The following THSD7A variants were observed in gnomAD, a reference collection of about 807,000 sequenced individuals.
THSD7A encodes the protein thrombospondin type-1 domain-containing protein 7A.
THSD7A carries 96 observed loss-of-function variants against 231.3 expected under a neutral mutation model. The observed-to-expected ratio is 0.41, with a 90% CI of 0.35 to 0.49. The LOEUF is 0.49. THSD7A is among the 20% of genes least tolerant of loss of function. The probability of loss-of-function intolerance (pLI) is 0.05; values close to 1 mark genes in which losing one functional copy is unlikely to be tolerated. For missense variants in THSD7A, 2,290 were observed against 2,070.2 expected (o/e 1.11, Z -2.06); for synonymous variants, 940 against 743.3 (o/e 1.26, Z -4.30).
chr7:11,389,070 G>C lies in THSD7A; in HGVS notation c.4412-6454C>G, dbSNP rs530797732. ...AGTGTGATGTGGTGCTGAGAAGAAT[G>C]TATATTCTGTTGATTTGGGGTGGAG... On this transcript the variant is annotated intron_variant, in intron 23 of 27. Transcript: ENST00000423059. Among the ~76,000 whole-genome samples, 193 of 152,288 alleles carry C rather than the reference G, an allele frequency of 1.3e-3. 1 individual carries two copies. Among genetic ancestry groups the C allele is most frequent in the Middle Eastern group, 0.01 (3 of 294 alleles).
At chr7:11,787,247 T>G (rs1009838181) in intron 1 of THSD7A, among the ~76,000 whole-genome samples, 4 of 148,548 alleles carry the variant, frequency 2.7e-5, no homozygotes, top group Non-Finnish European at 5.9e-5. Flanking sequence ...CTGACATTCT[T>G]CACAAAAATT....
chr7:11,608,447 A>G (rs1279708290), intron 2 of THSD7A, among the ~76,000 whole-genome samples: 1 of 152,138 alleles, frequency 6.6e-6, no homozygotes, highest in Admixed American at 6.6e-5. Context: ...ATCTGCAATT[A>G]AAGGATAGAG....
chr7:11,812,056 G>A (rs1475020789), intron 1 of THSD7A, among the ~76,000 whole-genome samples: 1 of 151,658 alleles, frequency 6.6e-6, no homozygotes, highest in Non-Finnish European at 1.5e-5. Flanking sequence ...AGAGACATTT[G>A]TAGAGACAGT....
rs775470790 is a variant in THSD7A at position 11,636,493 on chromosome 7, T to C, written c.659A>G (p.His220Arg). 19 of 1,613,674 alleles carry C rather than the reference T, an allele frequency of 1.2e-5. No homozygotes were observed. Among genetic ancestry groups the C allele is most frequent in the Non-Finnish European group, 1.6e-5 (19 of 1,179,864 alleles). ...CGSGLQHRTR[H>R]VVAPPQFGGS... ...TCCGAACTGCGGGGGCGCCACCACA[T>C]GACGCGTCCGGTGCTGGAGCCCGCT... Residue 220 changes from histidine to arginine, a missense_variant, in exon 2 of 28, where the codon CAT becomes CGT. Coordinates refer to ENST00000423059, the MANE Select transcript of THSD7A (RefSeq NM_015204.3). This position sits in a 1 kb window ranked among gnomAD's most constrained non-coding sequence, Gnocchi z 10.0.
At chr7:11,820,385 T>C in intron 1 of THSD7A, 1 of 1,291,938 alleles carries the variant, frequency 7.7e-7, no homozygotes, top group South Asian at 1.7e-5. Flanking sequence ...TCGTCTTCAA[T>C]CTCCCATTCC....
intron 1 of THSD7A, among the ~76,000 whole-genome samples, chr7:11,824,171 G>T (rs1421514462): frequency 6.6e-6 from 1 of 152,014 alleles, no homozygotes; most frequent in African/African-American, 2.4e-5. Context: ...CTTGTATTAG[G>T]AAAGATATAT....
chr7:11,740,924 C>A (rs1011480070), intron 1 of THSD7A, among the ~76,000 whole-genome samples: 4 of 151,938 alleles, frequency 2.6e-5, no homozygotes. Flanking sequence ...AATTACTGAA[C>A]ATGTGAATTA....
At chr7:11,804,863 G>A (rs1784360129) in intron 1 of THSD7A, among the ~76,000 whole-genome samples, 1 of 152,142 alleles carries the variant, frequency 6.6e-6, no homozygotes. Flanking sequence ...TTGGTTCTAA[G>A]ACCATTTAAC....
chr7:11,446,044 A>G lies in THSD7A; in HGVS notation c.3064+17T>C, dbSNP rs761130147. 1.2e-6 allele frequency: 2 copies of G among 1,612,724 alleles called. No individual in the cohort carries two copies. The highest frequency in any genetic ancestry group is 8.5e-7 in the Non-Finnish European group (1 of 1,179,146). On this transcript the variant is annotated intron_variant, in intron 13 of 27. Transcript: ENST00000423059. The surrounding 1 kb of genome is among the most constrained non-coding windows in gnomAD (Gnocchi z 4.0). ...CTCCCGAAGATAGCAAATATGTAAC[A>G]ATGAAGATTGAATTACCATGGCTGT...
At chr7:11,518,946 A>T (rs1174111272) in intron 6 of THSD7A, among the ~76,000 whole-genome samples, 1 of 152,176 alleles carries the variant, frequency 6.6e-6, no homozygotes, top group African/African-American at 2.4e-5. Context: ...TACCTGACAT[A>T]TTTGTTTACC....
chr7:11,647,656 G>A (rs1044665991), intron 1 of THSD7A, among the ~76,000 whole-genome samples: 1 of 152,040 alleles, frequency 6.6e-6, no homozygotes, highest in Admixed American at 6.6e-5. Flanking sequence ...CCAGGCATCT[G>A]CAAGTCCTCT....
intron 1 of THSD7A, among the ~76,000 whole-genome samples, chr7:11,782,372 G>C (rs951775289): frequency 6.6e-6 from 1 of 152,028 alleles, no homozygotes; most frequent in African/African-American, 2.4e-5. Flanking sequence ...TGTCGTTATT[G>C]CAAAAGATAA....
At chr7:11,376,901 A>T (rs1311668082) in intron 26 of THSD7A, 6 of 324,672 alleles carry the variant, frequency 1.8e-5, no homozygotes, top group Non-Finnish European at 2.8e-5. Context: ...TCAGATTTCA[A>T]GTTTCTTTGG....
chr7:11,512,318 C>A (rs1047233328), intron 6 of THSD7A, among the ~76,000 whole-genome samples: 5 of 152,092 alleles, frequency 3.3e-5, no homozygotes, highest in South Asian at 2.1e-4. Context: ...GAAATAGGAA[C>A]AATTTTACAC....
At chr7:11,720,898 T>C (rs971067790) in intron 1 of THSD7A, among the ~76,000 whole-genome samples, 1 of 151,744 alleles carries the variant, frequency 6.6e-6, no homozygotes, top group Non-Finnish European at 1.5e-5. Context: ...TGGTTCCTTC[T>C]ACTCTACCCA....
intron 1 of THSD7A, among the ~76,000 whole-genome samples, chr7:11,792,457 C>A (rs1314624301): frequency 6.6e-6 from 1 of 151,932 alleles, no homozygotes; most frequent in African/African-American, 2.4e-5. Context: ...TACCAACTTT[C>A]CTCCCCCAAT....
At chr7:11,671,120 T>C (rs1783373853) in intron 1 of THSD7A, among the ~76,000 whole-genome samples, 1 of 152,146 alleles carries the variant, frequency 6.6e-6, no homozygotes, top group Non-Finnish European at 1.5e-5. Context: ...AAGAGAACAT[T>C]AATAGACCTT....
intron 2 of THSD7A, among the ~76,000 whole-genome samples, chr7:11,625,049 T>A (rs1781434795): frequency 6.6e-6 from 1 of 152,122 alleles, no homozygotes; most frequent in African/African-American, 2.4e-5. Context: ...TTTATACCAC[T>A]GAAAATAATT....
chr7:11,481,581 T>C (rs1161876438), intron 7 of THSD7A, among the ~76,000 whole-genome samples: 2 of 152,148 alleles, frequency 1.3e-5, no homozygotes, highest in African/African-American at 4.8e-5. Context: ...TTTTAAAAAG[T>C]CTTTCTCCTT....
Sources: gnomAD v4.1 joint callset for allele counts (sites outside exome capture counted in the v4.1 genomes callset) on GRCh38, gnomAD v4.1.1 for gene constraint, Gnocchi (gnomAD v3.1) non-coding constraint, MANE v1.5 for transcripts, NCBI Gene and HGNC (gene_info 2026-07-23, HGNC 2026-07-21) for gene names.